CHD9: variants seen among roughly 807,000 people sequenced by gnomAD.
CHD9 encodes ATP-dependent chromatin remodeler CHD9.
CHD9 carries 77 observed loss-of-function variants against 316.1 expected under a neutral mutation model. That is an observed-to-expected ratio of 0.24 (90% CI 0.20 to 0.29). The LOEUF is 0.29. Among genes scored for constraint, CHD9 ranks in the 10% least tolerant of loss-of-function variants. The pLI is 1.00. For missense variants in CHD9, 2,763 were observed against 3,438.1 expected, an observed-to-expected ratio of 0.80 and a Z score of 4.91; for synonymous variants, 1,129 against 1,158.3, an observed-to-expected ratio of 0.97 and a Z score of 0.51.
At chr16:53,094,143 C>T (rs956041207) in intron 1 of CHD9, among the ~76,000 whole-genome samples, 7 of 152,160 alleles carry the variant, frequency 4.6e-5, no homozygotes, top group Admixed American at 2.6e-4. Flanking sequence ...TTGGGTTCCC[C>T]GCAGAGCAGG....
At chr16:53,134,177 A>G (rs1408641713) in intron 1 of CHD9, among the ~76,000 whole-genome samples, 1 of 152,172 alleles carries the variant, frequency 6.6e-6, no homozygotes, top group Non-Finnish European at 1.5e-5. Context: ...AGAATATGGA[A>G]ACTTGAGGCA....
chr16:53,253,958 C>T (rs1462454805), intron 17 of CHD9, among the ~76,000 whole-genome samples: 2 of 152,174 alleles, frequency 1.3e-5, no homozygotes, highest in African/African-American at 4.8e-5. Context: ...GGGTGGATCA[C>T]TTGAGGTCAG....
intron 19 of CHD9, among the ~76,000 whole-genome samples, chr16:53,259,486 A>C (rs1020911659): frequency 6.6e-6 from 1 of 151,832 alleles, no homozygotes; most frequent in Non-Finnish European, 1.5e-5. Context: ...ATCGTTCCTC[A>C]TGGTTTTTTG....
At chr16:53,111,120 G>A (rs2037832019) in intron 1 of CHD9, among the ~76,000 whole-genome samples, 1 of 152,150 alleles carries the variant, frequency 6.6e-6, no homozygotes, top group Admixed American at 6.6e-5. Context: ...GGGTTCTAAT[G>A]TTGGTTGTCC....
In CHD9 at chr16:53,285,963, G is replaced by A. The variant is rs150855204; in HGVS notation, c.5072-263G>A. Reference sequence around the variant, plus strand: ...GAGTTCTCATGTGAGATATGTTTGTGTGTTTGTGTGTGGGTATGATCAGTT... The same window carrying A: ...GAGTTCTCATGTGAGATATGTTTGTATGTTTGTGTGTGGGTATGATCAGTT... On this transcript the variant is annotated intron_variant, in intron 25 of 38. Coordinates refer to ENST00000447540, the MANE Select transcript of CHD9 (RefSeq NM_001308319.2). 1.7e-3 allele frequency among the ~76,000 whole-genome samples: 263 copies of A among 152,262 alleles called. 1 individual carries two copies. Among genetic ancestry groups the A allele is most frequent in the South Asian group, 0.011 (52 of 4,820 alleles).
chr16:53,209,413 C>T, intron 2 of CHD9, 69 bp from the exon 3 acceptor site: 2 of 1,068,726 alleles, frequency 1.9e-6, no homozygotes, highest in African/African-American at 1.6e-5. Context: ...TTAAGATTTT[C>T]AGATATTTGT....
chr16:53,220,364 A>G (rs1217291264), intron 3 of CHD9, among the ~76,000 whole-genome samples: 3 of 152,214 alleles, frequency 2.0e-5, no homozygotes, highest in African/African-American at 7.2e-5. Flanking sequence ...ACTTTTTCTC[A>G]CCTGAAGTCT....
chr16:53,080,267 A>G (rs1235045382), intron 1 of CHD9, among the ~76,000 whole-genome samples: 1 of 152,074 alleles, frequency 6.6e-6, no homozygotes, highest in East Asian at 1.9e-4. Context: ...TTTTTTATTA[A>G]CCACTTTTTC....
At chr16:53,155,185 G>A (rs1343501804) in intron 1 of CHD9, among the ~76,000 whole-genome samples, 2 of 151,844 alleles carry the variant, frequency 1.3e-5, no homozygotes, top group East Asian at 3.9e-4. Flanking sequence ...GCAAATACTT[G>A]CCAAGTAAAA....
intron 1 of CHD9, among the ~76,000 whole-genome samples, chr16:53,097,738 A>G (rs2036502593): frequency 6.6e-6 from 1 of 152,234 alleles, no homozygotes; most frequent in East Asian, 1.9e-4. Flanking sequence ...GCTTGCAGGA[A>G]TGGATGAATA....
intron 2 of CHD9, among the ~76,000 whole-genome samples, chr16:53,199,467 A>G (rs991186190): frequency 6.6e-6 from 1 of 152,206 alleles, no homozygotes; most frequent in Non-Finnish European, 1.5e-5. Context: ...AATTATTTTT[A>G]GGTTTTTAAA....
At chr16:53,128,596 T>A (rs115181456) in intron 1 of CHD9, among the ~76,000 whole-genome samples, 199 of 152,338 alleles carry the variant, frequency 1.3e-3, no homozygotes, top group African/African-American at 4.6e-3. Flanking sequence ...TGTTGCTAGA[T>A]TTTGATGTTG....
chr16:53,116,113 G>A (rs1389034456), intron 1 of CHD9, among the ~76,000 whole-genome samples: 1 of 152,156 alleles, frequency 6.6e-6, no homozygotes, highest in Non-Finnish European at 1.5e-5. Flanking sequence ...GGGCTGGAGT[G>A]CAGTGGTGCG....
At chr16:53,284,351 G>A (rs62049787) in intron 24 of CHD9, among the ~76,000 whole-genome samples, 41,730 of 150,016 alleles carry the variant, frequency 0.28, 5,862 homozygotes, top group Middle Eastern at 0.31. Flanking sequence ...GTGTGTGTGT[G>A]TATATATATA....
At chr16:53,063,358 TCACACACACACACACA>T (rs67988137) in intron 1 of CHD9, among the ~76,000 whole-genome samples, 88 of 137,128 alleles carry the variant, frequency 6.4e-4, no homozygotes, top group African/African-American at 1.7e-3. Context: ...CTCATAAATT[TCACACACACACACACA>T]CACACACACA....
intron 34 of CHD9, 122 bp from the exon 35 acceptor site, chr16:53,314,254 AG>A: frequency 1.6e-6 from 1 of 610,346 alleles, no homozygotes; most frequent in East Asian, 3.3e-5. Flanking sequence ...TTAGTCCAAA[AG>A]TTTCTACATT....
chr16:53,200,939 C>T (rs955685378), intron 2 of CHD9, among the ~76,000 whole-genome samples: 1 of 152,148 alleles, frequency 6.6e-6, no homozygotes, highest in African/African-American at 2.4e-5. Context: ...TATTTGTATG[C>T]CTGACACCAT....
rs1023798899 is a variant in CHD9 at position 53,157,603 on chromosome 16, G to A, written c.1452+62G>A. 4.8e-6 allele frequency: 7 copies of A among 1,454,630 alleles called. No homozygotes were observed. The Admixed American group carries it at 6.8e-5, about 14-fold the overall frequency. 90.1% of individuals were successfully genotyped at this position (1,454,630 alleles called of 1,614,324 possible). A position where few individuals can be genotyped will look rare whatever the true frequency, so the allele number is the denominator to read the frequency against. On this transcript the variant is annotated intron_variant, in intron 2 of 38. Transcript: ENST00000447540. Reference sequence around the variant, plus strand: ...GGTAGGGCGGACTGTTAGTCATTGGGTTAATTTTATATGAAACATAGTCAA... The same window carrying A: ...GGTAGGGCGGACTGTTAGTCATTGGATTAATTTTATATGAAACATAGTCAA...
At chr16:53,304,697 T>C (rs990921412) in intron 31 of CHD9, 72 bp downstream of exon 31, 84 of 1,179,978 alleles carry the variant, frequency 7.1e-5, no homozygotes, top group South Asian at 9.8e-5. Flanking sequence ...TCTTTTCTTT[T>C]TTTTTTTTTT....
Sources: gnomAD v4.1 joint callset for allele counts (sites outside exome capture counted in the v4.1 genomes callset) on GRCh38, gnomAD v4.1.1 for gene constraint, MANE v1.5 for transcripts, NCBI Gene and HGNC (gene_info 2026-07-23, HGNC 2026-07-21) for gene names.